The following GAREM1 variants were observed in gnomAD, a reference collection of about 807,000 sequenced individuals.
The protein encoded by GAREM1 is GRB2-associated and regulator of MAPK protein 1.
In GAREM1, 26 loss-of-function variants were observed where a neutral mutation model predicts 71.3. The ratio of observed to expected loss-of-function variants is 0.36; its 90% confidence interval spans 0.27 to 0.51. The LOEUF (loss-of-function observed/expected upper bound fraction) is 0.51. Ranked by LOEUF, GAREM1 falls within the 20% of genes least tolerant of loss-of-function variation. The pLI is 0.95. For synonymous variants in GAREM1, 440 were observed against 433.2 expected (o/e 1.02, Z -0.20); for missense variants, 1,026 against 1,103.1 (o/e 0.93, Z 0.99).
chr18:32,391,883 C>T lies in GAREM1; in HGVS notation c.262+1012G>A, dbSNP rs566328400. ...TTGAGAAGCTAAGTAATCCCTGGGTCGTATCAGCATTTGAAGATTCCCAGG... is the reference window on the plus strand; with the variant it reads ...TTGAGAAGCTAAGTAATCCCTGGGTTGTATCAGCATTTGAAGATTCCCAGG... On this transcript the variant is annotated intron_variant, in intron 2 of 5. Coordinates refer to ENST00000269209, the MANE Select transcript of GAREM1 (RefSeq NM_001242409.2). 3.6e-4 allele frequency among the ~76,000 whole-genome samples: 55 copies of T among 152,166 alleles called. No homozygotes were observed. The South Asian group carries it at 0.011, about 30-fold the overall frequency.
intron 4 of GAREM1, among the ~76,000 whole-genome samples, chr18:32,282,297 G>C (rs1364557617): frequency 2.0e-5 from 3 of 152,020 alleles, no homozygotes; most frequent in Non-Finnish European, 4.4e-5. Context: ...GTGGTGGCGT[G>C]AGCCTGTAGT....
At chr18:32,313,560 T>A (rs58435646) in intron 2 of GAREM1, among the ~76,000 whole-genome samples, 10,043 of 152,072 alleles carry the variant, frequency 0.066, 382 homozygotes, top group African/African-American at 0.094. Flanking sequence ...GAGGAGTATA[T>A]CTGGAGAGAA....
chr18:32,388,470 G>A (rs938724089), intron 2 of GAREM1, among the ~76,000 whole-genome samples: 4 of 152,058 alleles, frequency 2.6e-5, no homozygotes, highest in African/African-American at 7.2e-5. Context: ...CTAAAAGTAC[G>A]TCCTCTCAAA....
At chr18:32,457,801 A>C (rs1376335483) in intron 1 of GAREM1, among the ~76,000 whole-genome samples, 3 of 152,146 alleles carry the variant, frequency 2.0e-5, no homozygotes, top group Non-Finnish European at 4.4e-5. Flanking sequence ...GTACACGTGC[A>C]CAACGTGCAG....
rs202129554 is a variant in GAREM1, at chr18:32,393,019, C to G, written c.138G>C (p.Gly46=). 6.2e-7 allele frequency: 1 copy of G among 1,613,566 alleles called. No homozygotes were observed. The highest frequency in any genetic ancestry group is 8.5e-7 in the Non-Finnish European group (1 of 1,179,744). ...TCAGCAGATAGTCATTTTCCCGCAG[C>G]CCTTCTACGCACTCTCCTAGGAAAT... The part of the protein sequence containing the change: ...ARLDNGECVE[G]LRENDYLLIH... The change falls in exon 2 of 6, where the codon GGG becomes GGC. Residue 46 remains glycine, a synonymous_variant. Transcript: ENST00000269209.
chr18:32,437,173 T>C (rs188664135), intron 1 of GAREM1, among the ~76,000 whole-genome samples: 14 of 152,228 alleles, frequency 9.2e-5, no homozygotes, highest in Admixed American at 5.9e-4. Flanking sequence ...ATAATGAAAA[T>C]AGCACCAGAC....
chr18:32,434,784 C>A (rs753084832), intron 1 of GAREM1, among the ~76,000 whole-genome samples: 3 of 152,174 alleles, frequency 2.0e-5, no homozygotes, highest in South Asian at 2.1e-4. Flanking sequence ...TAAGATCCAA[C>A]GGTGAATGCT....
chr18:32,442,595 G>A (rs769307253), intron 1 of GAREM1, among the ~76,000 whole-genome samples: 24 of 152,150 alleles, frequency 1.6e-4, no homozygotes, highest in Admixed American at 7.9e-4. Context: ...ATTTGAGGAA[G>A]AGAATATATT....
At chr18:32,290,642 G>GAAAAAAAAA (rs586596) in intron 3 of GAREM1, among the ~76,000 whole-genome samples, 7 of 75,568 alleles carry the variant, frequency 9.3e-5, no homozygotes, top group Non-Finnish European at 1.7e-4. Context: ...CAGACTGTCT[G>GAAAAAAAAA]AAAAAAAAAA....
intron 2 of GAREM1, among the ~76,000 whole-genome samples, chr18:32,355,618 T>C (rs1479918984): frequency 6.6e-6 from 1 of 152,196 alleles, no homozygotes; most frequent in East Asian, 1.9e-4. Context: ...CAATTAAAAA[T>C]TACCAATTTC....
intron 1 of GAREM1, among the ~76,000 whole-genome samples, chr18:32,443,480 GA>G (rs1243584621): frequency 6.6e-6 from 1 of 152,114 alleles, no homozygotes; most frequent in African/African-American, 2.4e-5. Context: ...CAAAGAATCT[GA>G]ATAACCATTT....
At position 32,390,985 on chromosome 18, in the gene GAREM1, CAG is replaced by C. The variant is rs200960289; in HGVS notation, c.262+1908_262+1909del. ...GCCACAAAGAATTTTCTTTTGAGTACAGATCCAAAGGCTTCAGGTGTTTTTTA... is the reference window on the plus strand; with the variant it reads ...GCCACAAAGAATTTTCTTTTGAGTACATCCAAAGGCTTCAGGTGTTTTTTA... On this transcript the variant is annotated intron_variant, in intron 2 of 5. Coordinates refer to ENST00000269209, the MANE Select transcript of GAREM1 (RefSeq NM_001242409.2). Among the ~76,000 whole-genome samples, 654 of 152,292 alleles carry C rather than the reference CAG, an allele frequency of 4.3e-3. 13 individuals are homozygous for C. Among genetic ancestry groups the C allele is most frequent in the Admixed American group, 0.036 (551 of 15,282 alleles).
intron 1 of GAREM1, among the ~76,000 whole-genome samples, chr18:32,408,545 T>A (rs1189625242): frequency 6.6e-6 from 1 of 152,166 alleles, no homozygotes; most frequent in East Asian, 1.9e-4. Context: ...AATGTCAGCA[T>A]TAATACCTGA....
At chr18:32,284,819 G>A (rs916300586) in intron 4 of GAREM1, among the ~76,000 whole-genome samples, 12 of 148,878 alleles carry the variant, frequency 8.1e-5, no homozygotes, top group Admixed American at 6.7e-4. Flanking sequence ...GCGGGATCTC[G>A]GCTCACTGCA....
Position 32,470,334 on chromosome 18 carries a change from A to G in GAREM1, c.95T>C (p.Leu32Pro). ...PLDLLVSTYR[L>P]PQIARLDNGE... ...GTTGTCCAGGCGCGCGATCTGGGGCAGCCGGTAAGTGCTGACCAGGAGGTC... is the reference window on the plus strand; with the variant it reads ...GTTGTCCAGGCGCGCGATCTGGGGCGGCCGGTAAGTGCTGACCAGGAGGTC... The change falls in exon 1 of 6, where the codon CTG becomes CCG. Residue 32 changes from leucine (L) to proline (P), a missense_variant. Leu to Pro is a moderately conservative substitution (Grantham distance 98, BLOSUM62 -3). Around this residue, in one of 3 missense-constraint regions of GAREM1, gnomAD observed 172 missense variants for 175.2 expected, o/e 0.98. Transcript: ENST00000269209. The surrounding 1 kb of genome is among the most constrained non-coding windows in gnomAD (Gnocchi z 4.4). 1.3e-6 allele frequency: 2 copies of G among 1,564,972 alleles called. No individual in the cohort carries two copies. The highest frequency in any genetic ancestry group is 1.7e-6 in the Non-Finnish European group (2 of 1,158,232).
intron 1 of GAREM1, among the ~76,000 whole-genome samples, chr18:32,424,985 A>G (rs2048560538): frequency 6.6e-6 from 1 of 152,206 alleles, no homozygotes; most frequent in African/African-American, 2.4e-5. Context: ...AGTAAGGCCC[A>G]AGAAAAAGGC....
chr18:32,301,013 A>G (rs1331732326), intron 3 of GAREM1, among the ~76,000 whole-genome samples: 1 of 152,204 alleles, frequency 6.6e-6, no homozygotes, highest in Non-Finnish European at 1.5e-5. Context: ...TAAAACGGCA[A>G]CAAATATGTT....
At chr18:32,312,651 A>T (rs2047335871) in intron 2 of GAREM1, among the ~76,000 whole-genome samples, 1 of 152,234 alleles carries the variant, frequency 6.6e-6, no homozygotes, top group African/African-American at 2.4e-5. Context: ...AGCAGAAGTG[A>T]GATGTAGGAA....
chr18:32,339,346 C>T (rs374951611), intron 2 of GAREM1, among the ~76,000 whole-genome samples: 1 of 152,184 alleles, frequency 6.6e-6, no homozygotes, highest in Non-Finnish European at 1.5e-5. Context: ...TCTTGCAGAA[C>T]GACTATGTGA....
Sources: allele counts gnomAD v4.1 joint callset (sites outside exome capture counted in the v4.1 genomes callset), GRCh38; gene constraint gnomAD v4.1.1; regional missense constraint gnomAD v4.1.1; non-coding constraint Gnocchi (gnomAD v3.1); transcripts MANE v1.5; gene names NCBI Gene and HGNC (gene_info 2026-07-23, HGNC 2026-07-21).